PPM1E: variants seen among roughly 807,000 people sequenced by gnomAD.
PPM1E encodes the protein protein phosphatase, Mg2+/Mn2+ dependent 1E.
Under a neutral mutation model 65.9 loss-of-function variants are expected in PPM1E, and 20 were observed. The observed-to-expected ratio is 0.30, with a 90% CI of 0.21 to 0.44. The LOEUF is 0.44. Among genes scored for constraint, PPM1E ranks in the 20% least tolerant of loss-of-function variants. The probability of loss-of-function intolerance (pLI) is 1.00; values close to 1 mark genes in which losing one functional copy is unlikely to be tolerated. For synonymous variants in PPM1E, 352 were observed against 374.9 expected, an observed-to-expected ratio of 0.94 and a Z score of 0.70; for missense variants, 713 against 953.1, an observed-to-expected ratio of 0.75 and a Z score of 3.32.
intron 1 of PPM1E, among the ~76,000 whole-genome samples, chr17:58,784,738 T>C (rs1052740662): frequency 6.6e-6 from 1 of 151,886 alleles, no homozygotes; most frequent in African/African-American, 2.4e-5. Context: ...TTGGCCAGGA[T>C]GGTCTCTATC....
At chr17:58,851,953 G>T in intron 1 of PPM1E, among the ~76,000 whole-genome samples, 1 of 152,116 alleles carries the variant, frequency 6.6e-6, no homozygotes, top group East Asian at 1.9e-4. Context: ...CAGCCACTTT[G>T]TTTACCTACT....
chr17:58,957,544 A>G (rs559156339), intron 2 of PPM1E, among the ~76,000 whole-genome samples: 1 of 152,208 alleles, frequency 6.6e-6, no homozygotes, highest in South Asian at 2.1e-4. Context: ...TATTTATTTA[A>G]CCCCAATCAC....
intron 1 of PPM1E, among the ~76,000 whole-genome samples, chr17:58,820,033 T>C (rs1025223073): frequency 2.6e-5 from 4 of 151,994 alleles, no homozygotes; most frequent in African/African-American, 9.7e-5. Context: ...CCAGACTCCA[T>C]TTCAAACAAA....
intron 1 of PPM1E, among the ~76,000 whole-genome samples, chr17:58,775,600 G>A (rs62083365): frequency 5.3e-5 from 8 of 151,978 alleles, no homozygotes; most frequent in Non-Finnish European, 8.8e-5. Context: ...CTGATTATAT[G>A]TAGTAATATT....
chr17:58,772,324 C>T lies in PPM1E; in HGVS notation c.464+15863C>T, dbSNP rs187741824. Among the ~76,000 whole-genome samples the T allele has an allele frequency of 2.2e-3, 340 of 152,050 alleles. 3 individuals are homozygous for T. The highest frequency in any genetic ancestry group is 7.7e-3 in the African/African-American group (321 of 41,488). On this transcript the variant is annotated intron_variant, in intron 1 of 6. Transcript: ENST00000308249. ...TACAAAAATTAGCCAGGTGTGGTGG[C>T]GTGCGCCTGTAGCCCCAGCTACTCA...
Position 58,914,408 on chromosome 17 carries a change from C to T in PPM1E, c.465-41241C>T, listed in dbSNP as rs147384930. Among the ~76,000 whole-genome samples the T allele has an allele frequency of 1.1e-3, 160 of 152,196 alleles. 1 individual carries two copies. The highest frequency in any genetic ancestry group is 3.7e-3 in the African/African-American group (152 of 41,522). ...TGCAGTCTGTGACAGTTGCTCAATC[C>T]TTCCTTCTTTTCTATGAGCATAACA... On this transcript the variant is annotated intron_variant, in intron 1 of 6. Transcript: ENST00000308249.
intron 1 of PPM1E, among the ~76,000 whole-genome samples, chr17:58,794,188 G>T (rs543493967): frequency 6.6e-6 from 1 of 151,846 alleles, no homozygotes. Flanking sequence ...CAGGTGATCC[G>T]CCCACCTCAG....
chr17:58,976,879 A>T (rs961325436), intron 6 of PPM1E, among the ~76,000 whole-genome samples: 1 of 152,200 alleles, frequency 6.6e-6, no homozygotes, highest in Non-Finnish European at 1.5e-5. Flanking sequence ...ATTTATTTTT[A>T]GAGGCGGAAT....
intron 1 of PPM1E, among the ~76,000 whole-genome samples, chr17:58,820,838 G>T (rs905730390): frequency 2.6e-5 from 4 of 151,984 alleles, no homozygotes; most frequent in Non-Finnish European, 4.4e-5. Flanking sequence ...CATAATTAAT[G>T]ATTATAGTAG....
intron 1 of PPM1E, among the ~76,000 whole-genome samples, chr17:58,822,209 A>T (rs972571): frequency 0.04 from 6,134 of 152,172 alleles, 249 homozygotes; most frequent in African/African-American, 0.1. Flanking sequence ...AAAGAAAAGG[A>T]GGCACTGAAG....
At chr17:58,809,717 A>G (rs1181441048) in intron 1 of PPM1E, among the ~76,000 whole-genome samples, 2 of 152,196 alleles carry the variant, frequency 1.3e-5, no homozygotes, top group Non-Finnish European at 2.9e-5. Flanking sequence ...TATCTGTTGA[A>G]GAAACCAGAT....
At chr17:58,861,377 A>G (rs2050940682) in intron 1 of PPM1E, among the ~76,000 whole-genome samples, 1 of 152,196 alleles carries the variant, frequency 6.6e-6, no homozygotes, top group South Asian at 2.1e-4. Flanking sequence ...TTAAGAGTTC[A>G]TTTAGATACA....
At chr17:58,935,704 CA>C (rs779288631) in intron 1 of PPM1E, among the ~76,000 whole-genome samples, 8 of 152,074 alleles carry the variant, frequency 5.3e-5, no homozygotes, top group African/African-American at 9.7e-5. Flanking sequence ...GATTGCTATT[CA>C]CAGAAGACTT....
In PPM1E at chr17:58,836,837, C is replaced by T. The variant is rs550109605; in HGVS notation, c.464+80376C>T. Among the ~76,000 whole-genome samples, 53 of 147,014 alleles carry T rather than the reference C, an allele frequency of 3.6e-4. 1 individual carries two copies. The highest frequency in any genetic ancestry group is 2.9e-3 in the South Asian group (13 of 4,474). ...GAGATCGAGACCATCCTGGCTAACA[C>T]GGTGAAACCCCGTCTCTACTAAAAA... On this transcript the variant is annotated intron_variant, in intron 1 of 6. Transcript: ENST00000308249.
intron 1 of PPM1E, among the ~76,000 whole-genome samples, chr17:58,850,888 A>G (rs1374931203): frequency 6.6e-6 from 1 of 152,072 alleles, no homozygotes; most frequent in Non-Finnish European, 1.5e-5. Context: ...ACTTGGTTCC[A>G]TTCTCCCCGT....
chr17:58,912,715 G>C (rs567776850), intron 1 of PPM1E, among the ~76,000 whole-genome samples: 1 of 152,288 alleles, frequency 6.6e-6, no homozygotes, highest in East Asian at 1.9e-4. Flanking sequence ...GCCTCAGGAT[G>C]GGGGTGCTGG....
At chr17:58,882,511 CT>C (rs1383617398) in intron 1 of PPM1E, among the ~76,000 whole-genome samples, 3 of 152,088 alleles carry the variant, frequency 2.0e-5, no homozygotes, top group Non-Finnish European at 4.4e-5. Context: ...CTGCCTCAGC[CT>C]CTCGAGTAGC....
At chr17:58,810,950 C>T (rs1054069760) in intron 1 of PPM1E, among the ~76,000 whole-genome samples, 17 of 151,794 alleles carry the variant, frequency 1.1e-4, no homozygotes, top group African/African-American at 3.9e-4. Flanking sequence ...TTCCACCTCC[C>T]GGGTTCAAGC....
rs116692949 is a variant in PPM1E, at chr17:58,819,429, G to A, written c.464+62968G>A. The stretch of plus-strand genomic sequence containing the variant: ...CTCTCATAATGCTGGGATTACAAGC[G>A]TGAGCCACTGTGGCCGGCCCGCCAT... On this transcript the variant is annotated intron_variant, in intron 1 of 6. Coordinates refer to ENST00000308249, the MANE Select transcript of PPM1E (RefSeq NM_014906.5). Among the ~76,000 whole-genome samples the A allele has an allele frequency of 8.7e-3, 1,319 of 152,248 alleles. 19 individuals carry two copies. Among genetic ancestry groups the A allele is most frequent in the African/African-American group, 0.029 (1,221 of 41,532 alleles).
Sources: allele counts gnomAD v4.1 joint callset (sites outside exome capture counted in the v4.1 genomes callset), GRCh38; gene constraint gnomAD v4.1.1; transcripts MANE v1.5; gene names NCBI Gene and HGNC (gene_info 2026-07-23, HGNC 2026-07-21).